SLC25A21: variants seen among roughly 807,000 people sequenced by gnomAD.
SLC25A21 encodes the protein mitochondrial 2-oxodicarboxylate carrier.
A neutral mutation model predicts 43.8 loss-of-function variants in SLC25A21; 47 were observed. The observed-to-expected ratio is 1.07, with a 90% confidence interval of 0.85 to 1.37. The LOEUF is 1.37. SLC25A21 is among the 40% of genes most tolerant of loss of function. SLC25A21 has a pLI of 0.00. For synonymous variants in SLC25A21, 131 were observed against 121.3 expected, an observed-to-expected ratio of 1.08 and a Z score of -0.52; for missense variants, 352 against 350.2, an observed-to-expected ratio of 1.00 and a Z score of -0.04.
intron 3 of SLC25A21, among the ~76,000 whole-genome samples, chr14:36,765,151 A>G (rs571665160): frequency 6.6e-6 from 1 of 152,336 alleles, no homozygotes; most frequent in South Asian, 2.1e-4. Context: ...GCTTGTTCTT[A>G]GTGTCCTGCA....
At chr14:37,091,787 T>C (rs1310535174) in intron 1 of SLC25A21, among the ~76,000 whole-genome samples, 1 of 152,162 alleles carries the variant, frequency 6.6e-6, no homozygotes, top group Non-Finnish European at 1.5e-5. Flanking sequence ...ATACATATTT[T>C]CTCCTCTCTG....
intron 3 of SLC25A21, among the ~76,000 whole-genome samples, chr14:36,803,785 C>G (rs1190927925): frequency 6.6e-6 from 1 of 152,190 alleles, no homozygotes; most frequent in Non-Finnish European, 1.5e-5. Flanking sequence ...TGCTTCTTCA[C>G]TCCCATCTGA....
intron 7 of SLC25A21, 125 bp downstream of exon 7, chr14:36,711,193 G>C: frequency 1.2e-6 from 1 of 826,132 alleles, no homozygotes; most frequent in Non-Finnish European, 1.9e-6. Flanking sequence ...CAGATGTAAG[G>C]ATCAAATTAG....
chr14:36,901,449 G>C (rs993946869), intron 1 of SLC25A21, among the ~76,000 whole-genome samples: 1 of 152,136 alleles, frequency 6.6e-6, no homozygotes, highest in African/African-American at 2.4e-5. Context: ...ATATAGATTA[G>C]AGGATAAGAT....
chr14:36,710,534 G>A (rs1278189158), intron 7 of SLC25A21, among the ~76,000 whole-genome samples: 3 of 152,058 alleles, frequency 2.0e-5, no homozygotes, highest in East Asian at 1.9e-4. Context: ...GGGCTCAAGC[G>A]CTCCTCCCAC....
At chr14:36,721,268 A>G (rs1884364324) in intron 6 of SLC25A21, among the ~76,000 whole-genome samples, 1 of 152,238 alleles carries the variant, frequency 6.6e-6, no homozygotes, top group Non-Finnish European at 1.5e-5. Flanking sequence ...ACAGCTTTAT[A>G]TAGTCTCACT....
intron 1 of SLC25A21, among the ~76,000 whole-genome samples, chr14:37,142,885 C>T (rs1460893193): frequency 1.3e-5 from 2 of 152,190 alleles, no homozygotes; most frequent in African/African-American, 4.8e-5. Flanking sequence ...GTCAAGGACA[C>T]AGGAAGGAAC....
At chr14:36,841,761 A>G (rs1425834702) in intron 2 of SLC25A21, among the ~76,000 whole-genome samples, 3 of 152,134 alleles carry the variant, frequency 2.0e-5, no homozygotes, top group Non-Finnish European at 4.4e-5. Context: ...CGTGGGCTCA[A>G]CAACCTCCAA....
At chr14:37,097,033 T>G (rs1036595806) in intron 1 of SLC25A21, 4 of 148,594 alleles carry the variant, frequency 2.7e-5, no homozygotes, top group Admixed American at 1.3e-4. Flanking sequence ...TTTTTTGTTT[T>G]TTTTTTTTGT....
chr14:36,708,223 A>T (rs1025356300), intron 7 of SLC25A21, among the ~76,000 whole-genome samples: 1 of 152,252 alleles, frequency 6.6e-6, no homozygotes, highest in Non-Finnish European at 1.5e-5. Flanking sequence ...GGTAAAACTT[A>T]TAACAACATA....
chr14:36,782,295 G>A (rs1166637514), intron 3 of SLC25A21, among the ~76,000 whole-genome samples: 1 of 152,128 alleles, frequency 6.6e-6, no homozygotes, highest in Admixed American at 6.5e-5. Flanking sequence ...GAAGTTATTA[G>A]TCATTATTTC....
chr14:36,871,678 G>A (rs58955570), intron 2 of SLC25A21, among the ~76,000 whole-genome samples: 4,838 of 152,238 alleles, frequency 0.032, 246 homozygotes, highest in African/African-American at 0.11. Context: ...TAGCATTGGT[G>A]ATTTTAGCAG....
intron 3 of SLC25A21, among the ~76,000 whole-genome samples, chr14:36,793,765 G>C (rs939233574): frequency 8.6e-5 from 13 of 152,028 alleles, no homozygotes; most frequent in Admixed American, 2.6e-4. Flanking sequence ...GCTGCAGTCA[G>C]TCTTTTTCTC....
At chr14:36,980,109 A>G (rs939795289) in intron 1 of SLC25A21, among the ~76,000 whole-genome samples, 6 of 152,208 alleles carry the variant, frequency 3.9e-5, no homozygotes, top group Non-Finnish European at 7.3e-5. Flanking sequence ...GTACACAATG[A>G]CAGTTAAAAA....
chr14:37,109,014 T>A (rs1013461419), intron 1 of SLC25A21, among the ~76,000 whole-genome samples: 1 of 152,116 alleles, frequency 6.6e-6, no homozygotes, highest in South Asian at 2.1e-4. Context: ...CATCTCTTTA[T>A]TGAAAATAAG....
chr14:37,111,955 G>C (rs758449640), intron 1 of SLC25A21, among the ~76,000 whole-genome samples: 5 of 152,124 alleles, frequency 3.3e-5, no homozygotes, highest in Non-Finnish European at 4.4e-5. Flanking sequence ...AAAATTAACT[G>C]TTCATTCAAT....
At chr14:37,113,541 T>C (rs1369418048) in intron 1 of SLC25A21, among the ~76,000 whole-genome samples, 1 of 152,134 alleles carries the variant, frequency 6.6e-6, no homozygotes, top group African/African-American at 2.4e-5. Flanking sequence ...TATACAATTA[T>C]TGTAACTCAT....
At chr14:36,829,089 G>A (rs112307615) in intron 2 of SLC25A21, among the ~76,000 whole-genome samples, 4 of 151,984 alleles carry the variant, frequency 2.6e-5, no homozygotes, top group African/African-American at 9.7e-5. Flanking sequence ...GTAGAGATGG[G>A]GTTTTACCAT....
chr14:36,734,230 T>A (rs112090602), intron 4 of SLC25A21, among the ~76,000 whole-genome samples: 45 of 152,278 alleles, frequency 3.0e-4, no homozygotes, highest in African/African-American at 1.0e-3. Flanking sequence ...TCCAAGCTAT[T>A]TTGTGGTTTG....
Sources: gnomAD v4.1 joint callset for allele counts (sites outside exome capture counted in the v4.1 genomes callset) on GRCh38, gnomAD v4.1.1 for gene constraint, MANE v1.5 for transcripts, NCBI Gene and HGNC (gene_info 2026-07-23, HGNC 2026-07-21) for gene names.